CCR6: variants seen among roughly 807,000 people sequenced by gnomAD.
The protein encoded by CCR6 is C-C chemokine receptor type 6.
A neutral mutation model predicts 3.0 loss-of-function variants in CCR6; 2 were observed. That is an observed-to-expected ratio of 0.66 (90% CI 0.27 to 2.07). The LOEUF (loss-of-function observed/expected upper bound fraction) is 2.07, where lower values mean the gene tolerates loss of function less well. CCR6 is among the 30% of genes most tolerant of loss of function. The pLI, the probability that CCR6 is intolerant of heterozygous loss-of-function variation, is 0.14. For synonymous variants in CCR6, 193 were observed against 184.3 expected, an observed-to-expected ratio of 1.05 and a Z score of -0.38; for missense variants, 322 against 462.8, an observed-to-expected ratio of 0.70 and a Z score of 2.79.
chr6:167,123,994 C>T (rs1582995446), intron 1 of CCR6, among the ~76,000 whole-genome samples: 1 of 152,216 alleles, frequency 6.6e-6, no homozygotes. Flanking sequence ...TGCCTGTAAT[C>T]CCAGCTACTT....
chr6:167,116,451 T>C (rs1781495024), intron 1 of CCR6, among the ~76,000 whole-genome samples: 1 of 152,184 alleles, frequency 6.6e-6, no homozygotes, highest in Non-Finnish European at 1.5e-5. Context: ...GAGGCCCTCC[T>C]CTCAGCCCAC....
upstream of CCR6, among the ~76,000 whole-genome samples, chr6:167,119,940 G>C (rs1326165762): frequency 6.6e-6 from 1 of 152,114 alleles, no homozygotes; most frequent in Non-Finnish European, 1.5e-5. Flanking sequence ...CTAACTCTAG[G>C]CTTTCCTGGG....
At chr6:167,134,642 C>T (rs1346954520) in intron 1 of CCR6, among the ~76,000 whole-genome samples, 2 of 147,782 alleles carry the variant, frequency 1.4e-5, no homozygotes, top group Non-Finnish European at 3.0e-5. Context: ...ACTGATATGA[C>T]ACAGTGTGGG....
chr6:167,112,807 C>T (rs1057133507), intron 1 of CCR6, among the ~76,000 whole-genome samples: 2 of 151,976 alleles, frequency 1.3e-5, no homozygotes, highest in Admixed American at 6.6e-5. Flanking sequence ...GAGCCAGCCT[C>T]GTGGAATACA....
intron 1 of CCR6, among the ~76,000 whole-genome samples, chr6:167,130,011 G>A (rs1398719924): frequency 6.6e-6 from 1 of 151,796 alleles, no homozygotes. Flanking sequence ...TCCTACAGAA[G>A]CTCTAGAAGT....
chr6:167,130,414 C>T, intron 1 of CCR6, among the ~76,000 whole-genome samples: 1 of 151,882 alleles, frequency 6.6e-6, no homozygotes, highest in East Asian at 1.9e-4. Flanking sequence ...AATAGAAAAT[C>T]TGCAGCCTGT....
chr6:167,131,908 C>A (rs6911771), intron 1 of CCR6, among the ~76,000 whole-genome samples: 13,844 of 152,158 alleles, frequency 0.091, 1,354 homozygotes, highest in African/African-American at 0.25. Flanking sequence ...ACAAGGGCAC[C>A]CAGCCATGTG....
rs748469406 is a variant in CCR6 at position 167,137,337 on chromosome 6, G to C, written c.1107G>C (p.Ala369=). ...GTGAGACCGCAGATAACGACAATGCGTCGTCCTTCACTATGTGATAGAAAG... is the reference window on the plus strand; with the variant it reads ...GTGAGACCGCAGATAACGACAATGCCTCGTCCTTCACTATGTGATAGAAAG... ...QTSETADNDN[A]SSFTM Residue 369 remains alanine (A), a synonymous_variant, in exon 3 of 3, where the codon GCG becomes GCC. Transcript: ENST00000341935. The surrounding 1 kb of genome is among the most constrained non-coding windows in gnomAD (Gnocchi z 4.6). 13 of 1,612,488 alleles carry C rather than the reference G, an allele frequency of 8.1e-6. No homozygotes were observed. Among genetic ancestry groups the C allele is most frequent in the African/African-American group, 2.7e-5 (2 of 74,826 alleles).
chr6:167,118,730 C>G (rs1781539461), upstream of CCR6, among the ~76,000 whole-genome samples: 1 of 152,170 alleles, frequency 6.6e-6, no homozygotes, highest in Non-Finnish European at 1.5e-5. Flanking sequence ...GGTGTATGAA[C>G]TTGAGGAAGT....
chr6:167,114,905 T>C (rs1328661005), intron 1 of CCR6: 1 of 152,240 alleles, frequency 6.6e-6, no homozygotes, highest in East Asian at 1.9e-4. Flanking sequence ...TCTGTGTGAT[T>C]ATCCAATGGC....
upstream of CCR6, among the ~76,000 whole-genome samples, chr6:167,121,894 C>T (rs558304977): frequency 6.6e-6 from 1 of 152,260 alleles, no homozygotes; most frequent in African/African-American, 2.4e-5. Flanking sequence ...TTCTTTTATC[C>T]AGTAAGGGGG....
intron 1 of CCR6, among the ~76,000 whole-genome samples, chr6:167,116,545 A>G (rs898257876): frequency 6.6e-6 from 1 of 152,094 alleles, no homozygotes; most frequent in Admixed American, 6.5e-5. Flanking sequence ...CTTTTGGCCA[A>G]AGTTTTCCTT....
At chr6:167,116,376 T>C (rs562904073) in intron 1 of CCR6, among the ~76,000 whole-genome samples, 2 of 152,230 alleles carry the variant, frequency 1.3e-5, no homozygotes, top group East Asian at 3.9e-4. Flanking sequence ...CTTTCTGTTT[T>C]AGATCAAATT....
At chr6:167,133,599 T>C (rs1781801929) in intron 1 of CCR6, among the ~76,000 whole-genome samples, 2 of 152,032 alleles carry the variant, frequency 1.3e-5, no homozygotes, top group Middle Eastern at 3.4e-3. Flanking sequence ...CTTGAATTTC[T>C]ATAAAAATTT....
chr6:167,129,829 G>A (rs904339193), intron 1 of CCR6, among the ~76,000 whole-genome samples: 2 of 151,652 alleles, frequency 1.3e-5, no homozygotes, highest in South Asian at 2.1e-4. Flanking sequence ...GGTGGGGGGT[G>A]ACAATGAGTT....
intron 1 of CCR6, among the ~76,000 whole-genome samples, chr6:167,125,109 C>T (rs571433273): frequency 2.6e-5 from 4 of 151,984 alleles, no homozygotes; most frequent in Non-Finnish European, 5.9e-5. Context: ...TACACACACA[C>T]CGACATATGC....
At position 167,136,981 on chromosome 6, in the gene CCR6, A is replaced by G; in HGVS notation, c.751A>G (p.Lys251Glu). 1 of 1,614,228 alleles carries G rather than the reference A, an allele frequency of 6.2e-7. No homozygotes were observed. The highest frequency in any genetic ancestry group is 8.5e-7 in the Non-Finnish European group (1 of 1,180,044). ...LVQAQNSKRHKAIRVIIAVVL... is the reference protein window; with the variant it reads ...LVQAQNSKRHEAIRVIIAVVL... ...GCAAGCTCAGAATTCTAAAAGGCAC[A>G]AAGCCATCCGTGTAATCATAGCTGT... Residue 251 changes from lysine (K) to glutamate (E), a missense_variant, in exon 3 of 3, where the codon AAA becomes GAA. Lys to Glu is a moderately conservative substitution (Grantham distance 56). Coordinates refer to ENST00000341935, the MANE Select transcript of CCR6 (RefSeq NM_031409.4). The surrounding 1 kb of genome is among the most constrained non-coding windows in gnomAD (Gnocchi z 4.6).
At chr6:167,117,470 G>A (rs369695168) in intron 1 of CCR6, among the ~76,000 whole-genome samples, 3 of 133,204 alleles carry the variant, frequency 2.3e-5, no homozygotes, top group East Asian at 2.3e-4. Flanking sequence ...AGGCTGGAGC[G>A]CAGTGGCACG....
At chr6:167,129,736 C>T (rs898810821) in intron 1 of CCR6, among the ~76,000 whole-genome samples, 6 of 151,594 alleles carry the variant, frequency 4.0e-5, no homozygotes, top group African/African-American at 1.5e-4. Context: ...GGGGATGAGA[C>T]ATGATGAGTC....
Sources: gnomAD v4.1 joint callset for allele counts (sites outside exome capture counted in the v4.1 genomes callset) on GRCh38, gnomAD v4.1.1 for gene constraint, Gnocchi (gnomAD v3.1) non-coding constraint, MANE v1.5 for transcripts, NCBI Gene and HGNC (gene_info 2026-07-23, HGNC 2026-07-21) for gene names.